FAM20A: variants seen among roughly 807,000 people sequenced by gnomAD.
The protein encoded by FAM20A is FAM20A golgi associated secretory pathway pseudokinase, also known as pseudokinase FAM20A.
A neutral mutation model predicts 52.0 loss-of-function variants in FAM20A; 42 were observed. The ratio of observed to expected loss-of-function variants is 0.81; its 90% confidence interval spans 0.63 to 1.04. FAM20A has a LOEUF of 1.04. Ranked by LOEUF, FAM20A falls within the 50% of genes least tolerant of loss-of-function variation. The probability of loss-of-function intolerance (pLI) is 0.00; values close to 1 mark genes in which losing one functional copy is unlikely to be tolerated. For synonymous variants in FAM20A, 304 were observed against 298.9 expected (o/e 1.02, Z -0.18); for missense variants, 742 against 712.7 (o/e 1.04, Z -0.47).
rs1456922945 is a variant in FAM20A at position 68,536,864 on chromosome 17, T to G, written c.*613A>C. On this transcript the variant is annotated 3_prime_UTR_variant, in exon 11 of 11. Transcript: ENST00000592554. ...TTCTGATATTCTTAGCAAATCCCTC[T>G]TTTATTTTTGCCACTTGTTATAATA... 2.2e-6 allele frequency: 1 copy of G among 454,160 alleles called. No homozygotes were observed. The highest frequency in any genetic ancestry group is 4.4e-6 in the Non-Finnish European group (1 of 226,808). The allele number at this position is 454,160 out of a possible 1,614,324, so 28.1% of individuals were successfully genotyped here.
At chr17:68,541,155 T>A in intron 7 of FAM20A, 197 bp from the exon 8 acceptor site, 2 of 694,120 alleles carry the variant, frequency 2.9e-6, no homozygotes, top group Non-Finnish European at 4.6e-6. Context: ...AGGTCCTGGG[T>A]CCTTTAAGTC....
chr17:68,559,300 A>C (rs777551888), intron 1 of FAM20A, among the ~76,000 whole-genome samples: 1 of 152,246 alleles, frequency 6.6e-6, no homozygotes. Context: ...CTAGAAAACT[A>C]TTCATACTCT....
chr17:68,570,817 T>C (rs1249544501), intron 1 of FAM20A, among the ~76,000 whole-genome samples: 1 of 152,234 alleles, frequency 6.6e-6, no homozygotes, highest in Non-Finnish European at 1.5e-5. Context: ...TTTTGCTAAA[T>C]TCACTGGTTA....
Position 68,540,885 on chromosome 17 carries a change from T to C in FAM20A, c.1183A>G (p.Asn395Asp), listed in dbSNP as rs1230480591. ...YPYNNSQRLL[N>D]VIDMAIFDFL... Reference sequence around the variant, plus strand: ...TCGAAGATGGCCATGTCGATGACATTGAGGAGCCGCTGGCTGTTGTTGTAC... The same window carrying C: ...TCGAAGATGGCCATGTCGATGACATCGAGGAGCCGCTGGCTGTTGTTGTAC... Residue 395 changes from asparagine to aspartate, a missense_variant, in exon 8 of 11, where the codon AAT becomes GAT. Coordinates refer to ENST00000592554, the MANE Select transcript of FAM20A (RefSeq NM_017565.4). 1.2e-6 allele frequency: 2 copies of C among 1,605,212 alleles called. No homozygotes were observed. The highest frequency in any genetic ancestry group is 2.7e-5 in the African/African-American group (2 of 74,794).
chr17:68,553,858 A>G (rs902947387), intron 3 of FAM20A, among the ~76,000 whole-genome samples: 1 of 149,674 alleles, frequency 6.7e-6, no homozygotes, highest in African/African-American at 2.4e-5. Flanking sequence ...ATGCATATAT[A>G]CATATATACA....
intron 1 of FAM20A, among the ~76,000 whole-genome samples, chr17:68,561,616 G>T (rs1285348249): frequency 7.2e-6 from 1 of 138,258 alleles, no homozygotes. Flanking sequence ...TTTTTAAAGA[G>T]TTTTCCTATA....
At position 68,537,231 on chromosome 17, in the gene FAM20A, G is replaced by A. The variant is rs781515996; in HGVS notation, c.*246C>T. 19 of 654,400 alleles carry A rather than the reference G, an allele frequency of 2.9e-5. No individual in the cohort carries two copies. The highest frequency in any genetic ancestry group is 4.8e-5 in the Non-Finnish European group (17 of 357,462). 40.5% of individuals were successfully genotyped at this position (654,400 alleles called of 1,614,324 possible). ...TTCCCAGTGCACTCAGGAGATCGTC[G>A]GTGGCCTTGATGAAGCCAGTGCTTT... On this transcript the variant is annotated 3_prime_UTR_variant, in exon 11 of 11. Transcript: ENST00000592554. This position sits in a 1 kb window ranked among gnomAD's most constrained non-coding sequence, Gnocchi z 4.2.
intron 4 of FAM20A, among the ~76,000 whole-genome samples, chr17:68,545,305 T>A (rs1039495273): frequency 1.3e-5 from 2 of 152,242 alleles, no homozygotes; most frequent in Non-Finnish European, 2.9e-5. Flanking sequence ...ACAATTTTTG[T>A]ATAGACACAC....
intron 1 of FAM20A, 72 bp from the exon 2 acceptor site, chr17:68,555,815 T>G: frequency 6.6e-7 from 1 of 1,512,392 alleles, no homozygotes; most frequent in Non-Finnish European, 9.2e-7. Context: ...TTGTCTGCAG[T>G]TTTTTATTCA....
At position 68,550,369 on chromosome 17, in the gene FAM20A, C is replaced by CTTTTTTTTT. The variant is rs747654899; in HGVS notation, c.719+1495_719+1503dup. ...CTTTCACATAGGAAAAATGGGGGAA[C>CTTTTTTTTT]TTTTTTTTTTTTTTTTTTTTTTTTT... On this transcript the variant is annotated intron_variant, in intron 4 of 10. Transcript: ENST00000592554. Among the ~76,000 whole-genome samples the CTTTTTTTTT allele has an allele frequency of 2.5e-5, 2 of 79,390 alleles. 1 individual carries two copies. Among genetic ancestry groups the CTTTTTTTTT allele is most frequent in the East Asian group, 9.3e-4 (2 of 2,144 alleles). The allele number at this position is 79,390 out of a possible 152,430, so 52.1% of individuals were successfully genotyped here.
Position 68,542,828 on chromosome 17 carries a change from T to G in FAM20A, c.813-19A>C. The G allele has an allele frequency of 4.5e-6, 7 of 1,570,680 alleles. No individual in the cohort carries two copies. The highest frequency in any genetic ancestry group is 4.4e-6 in the Non-Finnish European group (5 of 1,140,542). ...CAGAATCCTGCAAGAGAGGAAGCTC[T>G]GTTCCATCTGAGGGATGATCAGGGA... On this transcript the variant is annotated intron_variant, in intron 5 of 10. Coordinates refer to ENST00000592554, the MANE Select transcript of FAM20A (RefSeq NM_017565.4).
At position 68,554,292 on chromosome 17, in the gene FAM20A, G is replaced by C. The variant is rs1004623871; in HGVS notation, c.640+485C>G. ...ACTTTTTATATTTTTTGGAAGAGAC[G>C]GGTTTTCACTGTTGGCCAGGCTGGT... On this transcript the variant is annotated intron_variant, in intron 3 of 10. Coordinates refer to ENST00000592554, the MANE Select transcript of FAM20A (RefSeq NM_017565.4). Among the ~76,000 whole-genome samples the C allele has an allele frequency of 2.0e-5, 3 of 152,142 alleles. No individual in the cohort carries two copies. The East Asian group carries it at 5.8e-4, about 29-fold the overall frequency.
At chr17:68,564,182 T>G (rs1272686473) in intron 1 of FAM20A, among the ~76,000 whole-genome samples, 1 of 152,132 alleles carries the variant, frequency 6.6e-6, no homozygotes, top group Admixed American at 6.5e-5. Context: ...ATCCACAGTT[T>G]GCAAATGAGA....
Position 68,554,763 on chromosome 17 carries a change from G to GGGGGC in FAM20A, c.640+13_640+14insGCCCC. 1 of 1,570,090 alleles carries GGGGGC rather than the reference G, an allele frequency of 6.4e-7. No homozygotes were observed. The highest frequency in any genetic ancestry group is 8.7e-7 in the Non-Finnish European group (1 of 1,144,644). On this transcript the variant is annotated intron_variant, in intron 3 of 10. Coordinates refer to ENST00000592554, the MANE Select transcript of FAM20A (RefSeq NM_017565.4). ...GGTGAAGAGGCTGGGTGGGGGTGGG[G>GGGGGC]CTAGGTCACTTACTCTGGGTGCAGT...
chr17:68,571,858 AAGG>A (rs1255762275), intron 1 of FAM20A, among the ~76,000 whole-genome samples: 1 of 151,476 alleles, frequency 6.6e-6, no homozygotes, highest in Non-Finnish European at 1.5e-5. Flanking sequence ...TATGAGAGTA[AAGG>A]TTTATTTAGA....
At chr17:68,559,069 T>C (rs2087137542) in intron 1 of FAM20A, among the ~76,000 whole-genome samples, 1 of 152,210 alleles carries the variant, frequency 6.6e-6, no homozygotes, top group Non-Finnish European at 1.5e-5. Context: ...GATATTTCTT[T>C]ATAGCAACGC....
At chr17:68,553,811 TACACACATTTATGCATATATACATAG>T (rs1249333294) in intron 3 of FAM20A, among the ~76,000 whole-genome samples, 2 of 149,782 alleles carry the variant, frequency 1.3e-5, no homozygotes, top group Admixed American at 6.7e-5. Flanking sequence ...TATACATATA[TACACACATTTATGCATATATACATAG>T]ACACACATTT....
At position 68,537,883 on chromosome 17, in the gene FAM20A, C is replaced by A; in HGVS notation, c.1362-142G>T. The stretch of plus-strand genomic sequence containing the variant: ...CTTCTCAGGCACATTTTAATGGAAA[C>A]CAGGTAAAAAGGGAACAAATGAAAG... On this transcript the variant is annotated intron_variant, in intron 10 of 10. Coordinates refer to ENST00000592554, the MANE Select transcript of FAM20A (RefSeq NM_017565.4). This position sits in a 1 kb window ranked among gnomAD's most constrained non-coding sequence, Gnocchi z 4.2. The A allele has an allele frequency of 1.0e-6, 1 of 995,256 alleles. No individual in the cohort carries two copies. The highest frequency in any genetic ancestry group is 1.5e-6 in the Non-Finnish European group (1 of 659,784). 61.7% of individuals were successfully genotyped at this position (995,256 alleles called of 1,614,324 possible).
chr17:68,540,643 AC>A (rs1446547880), intron 8 of FAM20A: 2 of 688,362 alleles, frequency 2.9e-6, no homozygotes, highest in African/African-American at 3.5e-5. Context: ...ATGAGTGACG[AC>A]CCCTTGAGCT....
Sources: allele counts gnomAD v4.1 joint callset (sites outside exome capture counted in the v4.1 genomes callset), GRCh38; gene constraint gnomAD v4.1.1; non-coding constraint Gnocchi (gnomAD v3.1); transcripts MANE v1.5; gene names NCBI Gene and HGNC (gene_info 2026-07-23, HGNC 2026-07-21).